The following KIRREL3 variants were observed in gnomAD, a reference collection of about 807,000 sequenced individuals.
KIRREL3 encodes the protein kin of IRRE-like protein 3.
In KIRREL3, 36 loss-of-function variants were observed where a neutral mutation model predicts 89.7. That is an observed-to-expected ratio of 0.40 (90% CI 0.31 to 0.53). The LOEUF (loss-of-function observed/expected upper bound fraction) is 0.53, where lower values mean the gene tolerates loss of function less well. Among genes scored for constraint, KIRREL3 ranks in the 20% least tolerant of loss-of-function variants. KIRREL3 has a pLI of 0.49. For synonymous variants in KIRREL3, 445 were observed against 441.4 expected (o/e 1.01, Z -0.10); for missense variants, 864 against 1,056.6 (o/e 0.82, Z 2.53).
chr11:126,936,251 G>T (rs1948179506), intron 1 of KIRREL3: 1 of 152,164 alleles, frequency 6.6e-6, no homozygotes, highest in African/African-American at 2.4e-5. Context: ...ACAGATGTTG[G>T]TAAGGATGTA....
intron 1 of KIRREL3, among the ~76,000 whole-genome samples, chr11:126,913,846 G>A (rs1202838105): frequency 6.6e-6 from 1 of 152,194 alleles, no homozygotes; most frequent in Non-Finnish European, 1.5e-5. Context: ...GGACCGCATA[G>A]CAGAGGAGGG....
In KIRREL3 at chr11:126,455,570, C is replaced by T. The variant is rs1388460976; in HGVS notation, c.848+779G>A. Among the ~76,000 whole-genome samples the T allele has an allele frequency of 6.6e-6, 1 of 151,340 alleles. No individual in the cohort carries two copies. Among genetic ancestry groups the T allele is most frequent in the African/African-American group, 2.4e-5 (1 of 41,036 alleles). On this transcript the variant is annotated intron_variant, in intron 7 of 16. Coordinates refer to ENST00000525144, the MANE Select transcript of KIRREL3 (RefSeq NM_032531.4). This position sits in a 1 kb window ranked among gnomAD's most constrained non-coding sequence, Gnocchi z 6.4. ...TTGGGAGGCTGAGGCAGGTGGATCA[C>T]GAGGTCAGGAGATCGAGACCATCCT...
intron 1 of KIRREL3, among the ~76,000 whole-genome samples, chr11:126,824,538 C>CT (rs1339914586): frequency 6.6e-6 from 1 of 152,156 alleles, no homozygotes; most frequent in African/African-American, 2.4e-5. Context: ...AGGTCTGTGC[C>CT]TTTTTCCAAA....
At chr11:126,974,688 A>G (rs1949520560) in intron 1 of KIRREL3, among the ~76,000 whole-genome samples, 1 of 151,630 alleles carries the variant, frequency 6.6e-6, no homozygotes, top group Non-Finnish European at 1.5e-5. Flanking sequence ...ATAGCCTGTT[A>G]CACACCTAGG....
rs1254561294 is a variant in KIRREL3, at chr11:126,530,241, TG to T, written c.134-3555del. Among the ~76,000 whole-genome samples the T allele has an allele frequency of 6.6e-6, 1 of 152,150 alleles. No homozygotes were observed. The highest frequency in any genetic ancestry group is 1.5e-5 in the Non-Finnish European group (1 of 68,026). ...CTGGGATTACAGGTATGCACCAGCA[TG>T]TCCGGCTGATTTTCATATTTTTAAT... On this transcript the variant is annotated intron_variant, in intron 2 of 16. Transcript: ENST00000525144. The surrounding 1 kb of genome is among the most constrained non-coding windows in gnomAD (Gnocchi z 5.8).
Position 126,736,946 on chromosome 11 carries a change from C to A in KIRREL3, c.56-174034G>T, listed in dbSNP as rs2134209001. On this transcript the variant is annotated intron_variant, in intron 1 of 16. Transcript: ENST00000525144. The surrounding 1 kb of genome is among the most constrained non-coding windows in gnomAD (Gnocchi z 5.0). ...AGGTCCTACTTAGTTTTCCAGGGAG[C>A]CAGCAATTGGTTACATCAGAAAACT... Among the ~76,000 whole-genome samples, 1 of 152,286 alleles carries A rather than the reference C, an allele frequency of 6.6e-6. No individual in the cohort carries two copies. The highest frequency in any genetic ancestry group is 2.1e-4 in the South Asian group (1 of 4,820).
intron 2 of KIRREL3, among the ~76,000 whole-genome samples, chr11:126,546,556 ACATTCAGCATTCAC>A (rs1488883121): frequency 6.6e-6 from 1 of 152,194 alleles, no homozygotes; most frequent in Non-Finnish European, 1.5e-5. Flanking sequence ...TCTTAATACA[ACATTCAGCATTCAC>A]TCATAAAATA....
At chr11:126,932,914 A>T (rs927006504) in intron 1 of KIRREL3, among the ~76,000 whole-genome samples, 1 of 152,242 alleles carries the variant, frequency 6.6e-6, no homozygotes, top group African/African-American at 2.4e-5. Context: ...TAGCCAATGC[A>T]TGTTAAATAA....
chr11:126,520,918 C>T lies in KIRREL3; in HGVS notation c.433+397G>A, dbSNP rs545027324. On this transcript the variant is annotated intron_variant, in intron 4 of 16. Transcript: ENST00000525144. This position sits in a 1 kb window ranked among gnomAD's most constrained non-coding sequence, Gnocchi z 4.9. Reference sequence around the variant, plus strand: ...TGGAAAGATAGGGCTTTGTTAGCACCGGAGTGGGGGTCAGTTCAGAAAGAA... The same window carrying T: ...TGGAAAGATAGGGCTTTGTTAGCACTGGAGTGGGGGTCAGTTCAGAAAGAA... 3.3e-5 allele frequency among the ~76,000 whole-genome samples: 5 copies of T among 152,160 alleles called. No homozygotes were observed. The highest frequency in any genetic ancestry group is 4.1e-4 in the South Asian group (2 of 4,822).
chr11:126,977,946 C>CT lies in KIRREL3; in HGVS notation c.55+22508dup, dbSNP rs1949626559. Reference sequence around the variant, plus strand: ...TCAGAGGCATCCCTGTCTCCTTTTTCTTGGTGTCCTCACTCAGTTTCTGGG... The same window carrying CT: ...TCAGAGGCATCCCTGTCTCCTTTTTCTTTGGTGTCCTCACTCAGTTTCTGGG... On this transcript the variant is annotated intron_variant, in intron 1 of 16. Transcript: ENST00000525144. The surrounding 1 kb of genome is among the most constrained non-coding windows in gnomAD (Gnocchi z 4.7). 6.6e-6 allele frequency among the ~76,000 whole-genome samples: 1 copy of CT among 152,128 alleles called. No homozygotes were observed. Among genetic ancestry groups the CT allele is most frequent in the African/African-American group, 2.4e-5 (1 of 41,430 alleles).
At position 126,520,631 on chromosome 11, in the gene KIRREL3, G is replaced by T. The variant is rs1332501964; in HGVS notation, c.433+684C>A. On this transcript the variant is annotated intron_variant, in intron 4 of 16. Transcript: ENST00000525144. The surrounding 1 kb of genome is among the most constrained non-coding windows in gnomAD (Gnocchi z 4.9). ...GGACTGAACTCTAAATCAGAACTAG[G>T]CGGTTTAAGAGGTCACCGAGCCCAT... Among the ~76,000 whole-genome samples, 1 of 152,216 alleles carries T rather than the reference G, an allele frequency of 6.6e-6. No homozygotes were observed. Among genetic ancestry groups the T allele is most frequent in the South Asian group, 2.1e-4 (1 of 4,830 alleles).
rs1467729443 is a variant in KIRREL3 at position 126,652,923 on chromosome 11, G to T, written c.56-90011C>A. The T allele has an allele frequency of 6.6e-6, 1 of 152,086 alleles. No homozygotes were observed. The highest frequency in any genetic ancestry group is 2.4e-5 in the African/African-American group (1 of 41,402). 9.4% of individuals were successfully genotyped at this position (152,086 alleles called of 1,614,324 possible). ...AAGGATTAATGCAAGAAGAAGTTCT[G>T]CTTTGGGTGAGACATCAGTTTAATT... On this transcript the variant is annotated intron_variant, in intron 1 of 16. Coordinates refer to ENST00000525144, the MANE Select transcript of KIRREL3 (RefSeq NM_032531.4). The surrounding 1 kb of genome is among the most constrained non-coding windows in gnomAD (Gnocchi z 4.9).
At chr11:126,889,773 A>G (rs1945840699) in intron 1 of KIRREL3, among the ~76,000 whole-genome samples, 1 of 152,260 alleles carries the variant, frequency 6.6e-6, no homozygotes, top group Non-Finnish European at 1.5e-5. Context: ...TTATGAGAGC[A>G]ATTTAAGAGT....
At position 126,541,040 on chromosome 11, in the gene KIRREL3, C is replaced by T. The variant is rs185173970; in HGVS notation, c.134-14353G>A. Among the ~76,000 whole-genome samples, 30 of 152,202 alleles carry T rather than the reference C, an allele frequency of 2.0e-4. No individual in the cohort carries two copies. In the East Asian group the frequency reaches 3.9e-3, roughly 20 times the overall value. ...TTAGCTCAAGAGGGAGCTGCAGGCT[C>T]GGCTATGGGCAGGCTCGGCTACAGC... is the stretch of plus-strand genomic sequence containing the variant. On this transcript the variant is annotated intron_variant, in intron 2 of 16. Coordinates refer to ENST00000525144, the MANE Select transcript of KIRREL3 (RefSeq NM_032531.4). This position sits in a 1 kb window ranked among gnomAD's most constrained non-coding sequence, Gnocchi z 4.8.
chr11:126,719,416 C>A lies in KIRREL3; in HGVS notation c.56-156504G>T, dbSNP rs983904944. ...AGTTCCTCCCCATCTCTATTATTCC[C>A]AAATGTTGGAGGACCTCAGGGCTTC... On this transcript the variant is annotated intron_variant, in intron 1 of 16. Coordinates refer to ENST00000525144, the MANE Select transcript of KIRREL3 (RefSeq NM_032531.4). The surrounding 1 kb of genome is among the most constrained non-coding windows in gnomAD (Gnocchi z 4.7). 6.6e-6 allele frequency among the ~76,000 whole-genome samples: 1 copy of A among 152,212 alleles called. No homozygotes were observed. Among genetic ancestry groups the A allele is most frequent in the Non-Finnish European group, 1.5e-5 (1 of 68,042 alleles).
chr11:126,849,283 G>C (rs186929015), intron 1 of KIRREL3, among the ~76,000 whole-genome samples: 1 of 151,112 alleles, frequency 6.6e-6, no homozygotes, highest in Non-Finnish European at 1.5e-5. Flanking sequence ...ACCCTATACA[G>C]TCTCAGAAGG....
rs186440085 is a variant in KIRREL3, at chr11:126,907,571, T to A, written c.55+92884A>T. Among the ~76,000 whole-genome samples the A allele has an allele frequency of 4.7e-4, 71 of 152,300 alleles. 2 individuals are homozygous for A. The East Asian group carries it at 9.5e-3, about 20-fold the overall frequency. On this transcript the variant is annotated intron_variant, in intron 1 of 16. Coordinates refer to ENST00000525144, the MANE Select transcript of KIRREL3 (RefSeq NM_032531.4). ...AGAACTTCGGCAACCACATTCTTTT[T>A]AAAGTATTGGAGCTCTTCTACCATT...
At position 126,631,132 on chromosome 11, in the gene KIRREL3, C is replaced by T. The variant is rs530089885; in HGVS notation, c.56-68220G>A. Among the ~76,000 whole-genome samples, 750 of 137,668 alleles carry T rather than the reference C, an allele frequency of 5.4e-3. 11 individuals carry two copies. The highest frequency in any genetic ancestry group is 0.02 in the African/African-American group (707 of 34,846). 90.3% of individuals were successfully genotyped at this position (137,668 alleles called of 152,430 possible). A position where few individuals can be genotyped will look rare whatever the true frequency, so the allele number is the denominator to read the frequency against. Reference sequence around the variant, plus strand: ...ATCAGTCTGTATGTATGTATTCATTCATTCATTCATTCATTCATTCATTCA... The same window carrying T: ...ATCAGTCTGTATGTATGTATTCATTTATTCATTCATTCATTCATTCATTCA... On this transcript the variant is annotated intron_variant, in intron 1 of 16. Coordinates refer to ENST00000525144, the MANE Select transcript of KIRREL3 (RefSeq NM_032531.4).
chr11:126,907,842 C>G (rs1374180795), intron 1 of KIRREL3, among the ~76,000 whole-genome samples: 2 of 152,116 alleles, frequency 1.3e-5, no homozygotes. Flanking sequence ...CTTTTGAGTT[C>G]CCCCATCAAG....
Sources: gnomAD v4.1 joint callset for allele counts (sites outside exome capture counted in the v4.1 genomes callset) on GRCh38, gnomAD v4.1.1 for gene constraint, Gnocchi (gnomAD v3.1) non-coding constraint, MANE v1.5 for transcripts, NCBI Gene and HGNC (gene_info 2026-07-23, HGNC 2026-07-21) for gene names.